Variants in CSMD1 observed in about 807,000 individuals in gnomAD.
CSMD1 encodes CUB and sushi domain-containing protein 1.
Under a neutral mutation model 417.5 loss-of-function variants are expected in CSMD1, and 213 were observed. The observed-to-expected ratio is 0.51, with a 90% confidence interval of 0.46 to 0.57. The LOEUF is 0.57. Among genes scored for constraint, CSMD1 ranks in the 20% least tolerant of loss-of-function variants. The pLI is 0.00. For missense variants in CSMD1, 6,923 were observed against 4,529.7 expected, an observed-to-expected ratio of 1.53 and a Z score of -15.17; for synonymous variants, 2,862 against 1,736.8, an observed-to-expected ratio of 1.65 and a Z score of -16.11.
rs1307097236 is a variant in CSMD1 at position 3,952,311 on chromosome 8, T to C, written c.818+45592A>G. 3.9e-5 allele frequency among the ~76,000 whole-genome samples: 6 copies of C among 152,322 alleles called. No individual in the cohort carries two copies. The East Asian group carries it at 9.6e-4, about 24-fold the overall frequency. ...GGCTACGCGAAAGGTGTCGTGGCTA[T>C]AAATTGCATGCAGAAGCCAATAGAA... On this transcript the variant is annotated intron_variant, in intron 5 of 69. Transcript: ENST00000635120.
intron 1 of CSMD1, among the ~76,000 whole-genome samples, chr8:4,878,082 T>C (rs1803161074): frequency 1.3e-5 from 2 of 152,136 alleles, no homozygotes; most frequent in Admixed American, 6.5e-5. Context: ...GATGCCATTG[T>C]CTGAGTATGT....
At chr8:3,427,074 C>T (rs1197927432) in intron 12 of CSMD1, among the ~76,000 whole-genome samples, 1 of 152,158 alleles carries the variant, frequency 6.6e-6, no homozygotes. Context: ...ACGACAGCAG[C>T]ATAGTGGAAA....
At chr8:3,313,457 G>C in intron 23 of CSMD1, among the ~76,000 whole-genome samples, 1 of 152,148 alleles carries the variant, frequency 6.6e-6, no homozygotes, top group East Asian at 1.9e-4. Flanking sequence ...TGAAGGATGT[G>C]AACAGACACC....
chr8:3,084,220 G>A lies in CSMD1; in HGVS notation c.7474+2877C>T, dbSNP rs1283393497. Reference sequence around the variant, plus strand: ...TACAACTTAGGGAAGTATATACAGCGTGTAAAAGATCTACATTCTAGAGCT... The same window carrying A: ...TACAACTTAGGGAAGTATATACAGCATGTAAAAGATCTACATTCTAGAGCT... On this transcript the variant is annotated intron_variant, in intron 49 of 69. Coordinates refer to ENST00000635120, the MANE Select transcript of CSMD1 (RefSeq NM_033225.6). 4.6e-5 allele frequency among the ~76,000 whole-genome samples: 7 copies of A among 152,074 alleles called. No individual in the cohort carries two copies. The East Asian group carries it at 7.7e-4, about 17-fold the overall frequency.
At chr8:4,723,692 T>C (rs1809215359) in intron 1 of CSMD1, among the ~76,000 whole-genome samples, 1 of 151,450 alleles carries the variant, frequency 6.6e-6, no homozygotes, top group East Asian at 1.9e-4. Context: ...GTTGAATTTC[T>C]GATGAAAATG....
chr8:4,545,085 A>G lies in CSMD1; in HGVS notation c.302+92257T>C, dbSNP rs138057097. On this transcript the variant is annotated intron_variant, in intron 2 of 69. Coordinates refer to ENST00000635120, the MANE Select transcript of CSMD1 (RefSeq NM_033225.6). ...GCACACATATGTGTGTATGATGTAT[A>G]TAAAAGGCATGTTAAGAGGGGACAT... is the stretch of plus-strand genomic sequence containing the variant. Among the ~76,000 whole-genome samples, 269 of 152,348 alleles carry G rather than the reference A, an allele frequency of 1.8e-3. 2 individuals carry two copies. The highest frequency in any genetic ancestry group is 6.3e-3 in the African/African-American group (261 of 41,586).
chr8:3,204,548 G>T (rs893229128), intron 31 of CSMD1, among the ~76,000 whole-genome samples: 6 of 152,276 alleles, frequency 3.9e-5, no homozygotes, highest in Non-Finnish European at 7.3e-5. Context: ...GAACAGCAAG[G>T]TTTGGGGAGG....
intron 5 of CSMD1, among the ~76,000 whole-genome samples, chr8:3,980,587 C>G (rs1038594156): frequency 6.6e-6 from 1 of 152,136 alleles, no homozygotes; most frequent in Non-Finnish European, 1.5e-5. Flanking sequence ...AGTTTCCCCC[C>G]TTGTTAATTT....
intron 3 of CSMD1, among the ~76,000 whole-genome samples, chr8:4,312,688 C>G (rs546741120): frequency 6.6e-6 from 1 of 151,704 alleles, no homozygotes; most frequent in Non-Finnish European, 1.5e-5. Context: ...ACCAGCCTGG[C>G]CAACCTGACG....
intron 1 of CSMD1, among the ~76,000 whole-genome samples, chr8:4,716,014 G>T (rs1808630798): frequency 6.6e-6 from 1 of 152,182 alleles, no homozygotes; most frequent in Non-Finnish European, 1.5e-5. Context: ...AAGAGCACAG[G>T]GGCCAGGGCA....
chr8:3,501,721 T>C (rs1796608569), intron 10 of CSMD1, among the ~76,000 whole-genome samples: 1 of 152,192 alleles, frequency 6.6e-6, no homozygotes, highest in Admixed American at 6.5e-5. Context: ...AGTTTATGTC[T>C]GGAAATTATT....
At chr8:3,535,118 T>A (rs945971797) in intron 10 of CSMD1, among the ~76,000 whole-genome samples, 7 of 151,542 alleles carry the variant, frequency 4.6e-5, no homozygotes, top group African/African-American at 1.7e-4. Context: ...AGCTAATATT[T>A]TTTTTTTTTA....
chr8:4,805,881 C>T (rs559861406), intron 1 of CSMD1, among the ~76,000 whole-genome samples: 6 of 152,210 alleles, frequency 3.9e-5, no homozygotes, highest in East Asian at 1.9e-4. Flanking sequence ...TTATTGTGAA[C>T]GTAACCATTC....
Position 3,709,176 on chromosome 8 carries a change from G to T in CSMD1, c.932-685C>A, listed in dbSNP as rs1388037706. 2.2e-5 allele frequency among the ~76,000 whole-genome samples: 3 copies of T among 138,014 alleles called. 1 individual carries two copies. The highest frequency in any genetic ancestry group is 8.3e-3 in the Middle Eastern group (2 of 240). 90.5% of individuals were successfully genotyped at this position (138,014 alleles called of 152,430 possible). A position where few individuals can be genotyped will look rare whatever the true frequency, so the allele number is the denominator to read the frequency against. ...TCATTTTTTTTTTTTGGTCACTTACGGAAAAAAAATGGGGGATGCATCTTG... is the reference window on the plus strand; with the variant it reads ...TCATTTTTTTTTTTTGGTCACTTACTGAAAAAAAATGGGGGATGCATCTTG... On this transcript the variant is annotated intron_variant, in intron 6 of 69. Coordinates refer to ENST00000635120, the MANE Select transcript of CSMD1 (RefSeq NM_033225.6).
At chr8:3,875,477 G>A (rs186195631) in intron 5 of CSMD1, among the ~76,000 whole-genome samples, 1 of 152,254 alleles carries the variant, frequency 6.6e-6, no homozygotes, top group South Asian at 2.1e-4. Flanking sequence ...CCCGAACTGG[G>A]TTCCGAGGGT....
intron 15 of CSMD1, among the ~76,000 whole-genome samples, chr8:3,400,703 T>C (rs1040131157): frequency 6.6e-6 from 1 of 151,892 alleles, no homozygotes; most frequent in Non-Finnish European, 1.5e-5. Flanking sequence ...GTTATAAATG[T>C]AATAAAAGAA....
chr8:4,221,377 A>T (rs529631676), intron 3 of CSMD1, among the ~76,000 whole-genome samples: 1 of 98,924 alleles, frequency 1.0e-5, no homozygotes, highest in South Asian at 4.7e-4. Context: ...AAGGAAAGTG[A>T]GAAAAAAAAA....
At chr8:4,791,510 C>A (rs1797688051) in intron 1 of CSMD1, among the ~76,000 whole-genome samples, 1 of 152,128 alleles carries the variant, frequency 6.6e-6, no homozygotes, top group Admixed American at 6.5e-5. Flanking sequence ...ACAAACAATC[C>A]AATCCCCTAA....
At chr8:3,046,443 C>T (rs927459834) in intron 50 of CSMD1, among the ~76,000 whole-genome samples, 2 of 152,186 alleles carry the variant, frequency 1.3e-5, no homozygotes, top group African/African-American at 2.4e-5. Flanking sequence ...ACCTTCTTCA[C>T]CTCTGCTTCT....
Sources: gnomAD v4.1 joint callset for allele counts (sites outside exome capture counted in the v4.1 genomes callset) on GRCh38, gnomAD v4.1.1 for gene constraint, MANE v1.5 for transcripts, NCBI Gene and HGNC (gene_info 2026-07-23, HGNC 2026-07-21) for gene names.